Variants in RESF1 observed in about 807,000 individuals in gnomAD.
RESF1 encodes the protein gonad expressed transcript.
In RESF1, 65 loss-of-function variants were observed where a neutral mutation model predicts 134.7. The observed-to-expected ratio is 0.48, with a 90% CI of 0.40 to 0.59. RESF1 has a LOEUF of 0.59. Among genes scored for constraint, RESF1 ranks in the 20% least tolerant of loss-of-function variants. The probability of loss-of-function intolerance (pLI) is 0.00; values close to 1 mark genes in which losing one functional copy is unlikely to be tolerated. For missense variants in RESF1, 2,274 were observed against 2,002.7 expected (o/e 1.14, Z -2.59); for synonymous variants, 762 against 702.2 (o/e 1.09, Z -1.35).
chr12:31,962,493 C>T (rs1358018332), intron 2 of RESF1: 1 of 152,194 alleles, frequency 6.6e-6, no homozygotes, highest in Non-Finnish European at 1.5e-5. Context: ...TACACTATTC[C>T]TAATACCTTA....
At chr12:31,986,976 C>T (rs1161716996) in intron 4 of RESF1, among the ~76,000 whole-genome samples, 1 of 152,068 alleles carries the variant, frequency 6.6e-6, no homozygotes, top group East Asian at 1.9e-4. Flanking sequence ...TCTCATGTGT[C>T]CTTTAATATC....
At chr12:31,990,604 C>CT (rs1940075209) in intron 5 of RESF1, among the ~76,000 whole-genome samples, 1 of 152,112 alleles carries the variant, frequency 6.6e-6, no homozygotes, top group African/African-American at 2.4e-5. Context: ...CCTCACCTGG[C>CT]TGATTGTTGT....
chr12:31,961,393 C>G (rs924320107), intron 2 of RESF1, among the ~76,000 whole-genome samples: 1 of 152,174 alleles, frequency 6.6e-6, no homozygotes, highest in African/African-American at 2.4e-5. Context: ...TCAGCCAACC[C>G]TGGAAAATAA....
At chr12:31,987,873 T>C (rs939942936) in intron 5 of RESF1, among the ~76,000 whole-genome samples, 2 of 152,118 alleles carry the variant, frequency 1.3e-5, no homozygotes, top group African/African-American at 4.8e-5. Flanking sequence ...TAGCTGGGAC[T>C]GCAGTTGCAT....
chr12:31,974,632 A>G (rs1939589494), intron 3 of RESF1, among the ~76,000 whole-genome samples: 1 of 151,948 alleles, frequency 6.6e-6, no homozygotes, highest in Non-Finnish European at 1.5e-5. Flanking sequence ...TATCTCCTTA[A>G]AGGCCCTATC....
chr12:31,986,779 CTA>C (rs747026445), intron 4 of RESF1, among the ~76,000 whole-genome samples: 1 of 152,156 alleles, frequency 6.6e-6, no homozygotes, highest in Non-Finnish European at 1.5e-5. Flanking sequence ...GCTTTTCTGA[CTA>C]TATTTGTTGG....
At chr12:31,971,485 T>A (rs1464627600) in intron 3 of RESF1, among the ~76,000 whole-genome samples, 2 of 152,198 alleles carry the variant, frequency 1.3e-5, no homozygotes, top group East Asian at 3.8e-4. Flanking sequence ...TACTTTTTCA[T>A]CATTTTACTT....
In RESF1 at chr12:31,982,746, A is replaced by T. The variant is rs1448986281; in HGVS notation, c.1791A>T (p.Thr597=). The T allele has an allele frequency of 6.2e-7, 1 of 1,613,966 alleles. No homozygotes were observed. The highest frequency in any genetic ancestry group is 8.5e-7 in the Non-Finnish European group (1 of 1,179,878). The change falls in exon 4 of 6, where the codon ACA becomes ACT. Residue 597 remains threonine (T), a synonymous_variant. Transcript: ENST00000312561. ...CACAGGCACGTAAGACTCAGAAGAC[A>T]GTATTAAAAGATGCTAATCAAACTA... ...LLSQARKTQK[T]VLKDANQTIQ...
At position 31,982,252 on chromosome 12, in the gene RESF1, T is replaced by A. The variant is rs3759302; in HGVS notation, c.1297T>A (p.Ser433Thr). The A allele has an allele frequency of 0.19, 304,344 of 1,613,664 alleles. 29,959 individuals carry two copies. The highest frequency in any genetic ancestry group is 0.25 in the Middle Eastern group (1,527 of 6,062). ...AAGCIKMTNT[S>T]YSEPAQNSKL... ...AGGTTGTATTAAAATGACTAATACT[T>A]CTTATAGTGAACCAGCTCAGAATTC... is the stretch of plus-strand genomic sequence containing the variant. The change falls in exon 4 of 6, where the codon TCT becomes ACT. Residue 433 changes from serine to threonine, a missense_variant. Ser to Thr is a moderately conservative substitution (Grantham distance 58). Transcript: ENST00000312561.
Position 31,981,115 on chromosome 12 carries a change from G to T in RESF1, c.160G>T (p.Gly54Cys). 1 of 1,614,068 alleles carries T rather than the reference G, an allele frequency of 6.2e-7. No homozygotes were observed. Among genetic ancestry groups the T allele is most frequent in the Non-Finnish European group, 8.5e-7 (1 of 1,180,014 alleles). ...TAACCAAGAAGCATGCATGTATCCC[G>T]GTAATTCAAATCCAATTTCACAGCC... ...GSNQEACMYP[G>C]NSNPISQPLL... The change falls in exon 4 of 6, where the codon GGT becomes TGT. Residue 54 changes from glycine to cysteine, a missense_variant. Transcript: ENST00000312561.
chr12:31,984,080 A>T lies in RESF1; in HGVS notation c.3125A>T (p.His1042Leu). The T allele has an allele frequency of 6.2e-7, 1 of 1,614,150 alleles. No homozygotes were observed. Among genetic ancestry groups the T allele is most frequent in the Non-Finnish European group, 8.5e-7 (1 of 1,180,016 alleles). Reference sequence around the variant, plus strand: ...CAAGATCCTGCAAGAAATGAAATCCACAGTGATAAGGCACCTGTCTTATAC... The same window carrying T: ...CAAGATCCTGCAAGAAATGAAATCCTCAGTGATAAGGCACCTGTCTTATAC... The part of the protein sequence containing the change: ...TPQDPARNEI[H>L]SDKAPVLYLH... The change falls in exon 4 of 6, where the codon CAC becomes CTC. Residue 1042 changes from histidine to leucine, a missense_variant. Physicochemically the swap from His to Leu is moderately conservative, Grantham distance 99. Transcript: ENST00000312561.
In RESF1 at chr12:31,983,474, A is replaced by G; in HGVS notation, c.2519A>G (p.Gln840Arg). ...KIFPLTQKEK[Q>R]NESTNGNSEV... ...TTTCCACTAACTCAGAAGGAAAAGCAGAATGAGTCAACTAATGGTAATTCA... is the reference window on the plus strand; with the variant it reads ...TTTCCACTAACTCAGAAGGAAAAGCGGAATGAGTCAACTAATGGTAATTCA... The change falls in exon 4 of 6, where the codon CAG (glutamine) becomes CGG (arginine). Residue 840 changes from glutamine to arginine, a missense_variant. Physicochemically the swap from Gln to Arg is conservative, Grantham distance 43. Coordinates refer to ENST00000312561, the MANE Select transcript of RESF1 (RefSeq NM_018169.4). 6.2e-7 allele frequency: 1 copy of G among 1,614,136 alleles called. No individual in the cohort carries two copies. The highest frequency in any genetic ancestry group is 1.7e-5 in the Admixed American group (1 of 60,022).
chr12:31,984,397 G>T lies in RESF1; in HGVS notation c.3442G>T (p.Asp1148Tyr). 6 of 1,614,144 alleles carry T rather than the reference G, an allele frequency of 3.7e-6. No individual in the cohort carries two copies. Among genetic ancestry groups the T allele is most frequent in the Non-Finnish European group, 5.1e-6 (6 of 1,179,994 alleles). Residue 1148 changes from aspartate (D) to tyrosine (Y), a missense_variant, in exon 4 of 6, where the codon GAC becomes TAC. Asp to Tyr is a radical substitution (Grantham distance 160, BLOSUM62 -3). Coordinates refer to ENST00000312561, the MANE Select transcript of RESF1 (RefSeq NM_018169.4). ...CATCACAGAAGTAGTTAGCCAGTGT[G>T]ACCTGCAGGCACCTGCAGCTGGACA... The part of the protein sequence containing the change: ...EPITEVVSQC[D>Y]LQAPAAGQSR...
At chr12:31,973,949 A>G (rs1038537304) in intron 3 of RESF1, among the ~76,000 whole-genome samples, 6 of 152,290 alleles carry the variant, frequency 3.9e-5, no homozygotes, top group African/African-American at 1.4e-4. Flanking sequence ...ACTCAGTCCC[A>G]CAAGACTGCC....
chr12:31,984,025 G>A lies in RESF1; in HGVS notation c.3070G>A (p.Glu1024Lys). 5.0e-6 allele frequency: 8 copies of A among 1,613,992 alleles called. No individual in the cohort carries two copies. Among genetic ancestry groups the A allele is most frequent in the Non-Finnish European group, 6.8e-6 (8 of 1,179,966 alleles). The change falls in exon 4 of 6, where the codon GAA becomes AAA. Residue 1024 changes from glutamate to lysine, a missense_variant. Physicochemically the swap from Glu to Lys is moderately conservative, Grantham distance 56. Coordinates refer to ENST00000312561, the MANE Select transcript of RESF1 (RefSeq NM_018169.4). ...AAIQEDIYPQ[E>K]IDASSNYTPQ... The stretch of plus-strand genomic sequence containing the variant: ...TATTCAGGAGGATATTTACCCTCAG[G>A]AAATAGATGCATCCAGCAACTATAC...
At chr12:31,961,185 A>G (rs1939258078) in intron 2 of RESF1, among the ~76,000 whole-genome samples, 1 of 152,214 alleles carries the variant, frequency 6.6e-6, no homozygotes, top group African/African-American at 2.4e-5. Flanking sequence ...TGTTTTTATT[A>G]TATTTTATTA....
At chr12:31,966,752 C>T (rs1428557102) in intron 2 of RESF1, among the ~76,000 whole-genome samples, 4 of 152,154 alleles carry the variant, frequency 2.6e-5, no homozygotes, top group African/African-American at 7.2e-5. Context: ...CTGGGAATCA[C>T]GATTGCAGGC....
intron 2 of RESF1, among the ~76,000 whole-genome samples, chr12:31,965,101 C>T (rs1164759187): frequency 6.6e-6 from 1 of 152,146 alleles, no homozygotes; most frequent in East Asian, 1.9e-4. Context: ...GGATTACAGA[C>T]ACTTGCCACC....
At chr12:31,970,831 G>A (rs1259299743) in intron 3 of RESF1, among the ~76,000 whole-genome samples, 2 of 152,140 alleles carry the variant, frequency 1.3e-5, no homozygotes, top group East Asian at 1.9e-4. Context: ...ATCCTCCAAC[G>A]AAAAAAGACA....
Sources: gnomAD v4.1 joint callset for allele counts (sites outside exome capture counted in the v4.1 genomes callset) on GRCh38, gnomAD v4.1.1 for gene constraint, MANE v1.5 for transcripts, NCBI Gene and HGNC (gene_info 2026-07-23, HGNC 2026-07-21) for gene names.